Variants in EPPK1 observed in about 807,000 individuals in gnomAD.
EPPK1 encodes the protein epiplakin 1.
For synonymous variants in EPPK1, 1,862 were observed against 1,721.2 expected (o/e 1.08, Z -2.03); for missense variants, 3,823 against 3,673.3 (o/e 1.04, Z -1.05).
At chr8:143,877,359 G>A (rs1819501962) in intron 1 of EPPK1, among the ~76,000 whole-genome samples, 1 of 152,188 alleles carries the variant, frequency 6.6e-6, no homozygotes, top group Admixed American at 6.5e-5. Flanking sequence ...TTCGAGTGTG[G>A]GGGCATCTGG....
rs782131430 is a variant in EPPK1, at chr8:143,869,264, G to C, written c.3990C>G (p.Pro1330=). ...ACAGAGAGAGGGAGGCCCTAGAGTA[G>C]GGATCTGGGTACCCGGCCGCCGCCC... The part of the protein sequence containing the change: ...AERAAAGYPD[P]YSRASLSLWQ... Residue 1330 remains proline (P), a synonymous_variant, in exon 2 of 2, where the codon CCC becomes CCG. Coordinates refer to ENST00000615648, the MANE Select transcript of EPPK1 (RefSeq NM_031308.4). 1.2e-6 allele frequency: 2 copies of C among 1,608,800 alleles called. No individual in the cohort carries two copies. Among genetic ancestry groups the C allele is most frequent in the African/African-American group, 2.7e-5 (2 of 74,888 alleles).
chr8:143,877,744 CACCTGCA>C (rs1375086491), intron 1 of EPPK1, among the ~76,000 whole-genome samples: 6 of 152,110 alleles, frequency 3.9e-5, no homozygotes, highest in African/African-American at 1.4e-4. Flanking sequence ...AGACCCCACC[CACCTGCA>C]ACCTGCACCA....
At position 143,867,808 on chromosome 8, in the gene EPPK1, C is replaced by T; in HGVS notation, c.5446G>A (p.Glu1816Lys). 6.2e-7 allele frequency: 1 copy of T among 1,613,656 alleles called. No individual in the cohort carries two copies. The highest frequency in any genetic ancestry group is 1.1e-5 in the South Asian group (1 of 91,090). The change falls in exon 2 of 2, where the codon GAG (glutamate) becomes AAG (lysine). Residue 1816 changes from glutamate (E) to lysine (K), a missense_variant. Glu to Lys is a moderately conservative substitution (Grantham distance 56, BLOSUM62 1). Coordinates refer to ENST00000615648, the MANE Select transcript of EPPK1 (RefSeq NM_031308.4). The stretch of plus-strand genomic sequence containing the variant: ...AGGCCCCCACTCTGGGCTCCATACT[C>T]CTGGATGAGCTCCCGCTTCCTGTCC... Reference protein sequence around the residue: ...TEDRKRELIQEYGAQSGGLEK... With the variant: ...TEDRKRELIQKYGAQSGGLEK...
In EPPK1 at chr8:143,868,631, CCTG is replaced by C. The variant is rs1180786062; in HGVS notation, c.4620_4622del (p.Ser1540del). 4 of 1,595,784 alleles carry C rather than the reference CCTG, an allele frequency of 2.5e-6. No homozygotes were observed. In the African/African-American group the frequency reaches 5.4e-5, roughly 21 times the overall value. On this transcript the variant is annotated inframe_deletion, in exon 2 of 2. Transcript: ENST00000615648. ...CCTGGCTCAGCTCGTCCAGCGTCTT[CCTG>C]CTGATCAGCTGCGCCCTGAACAGGT...
exon 1 of EPPK1, chr8:143,878,457 TCCGCAGTGTCTCCGCGCGCCCGCTCCGC>T (rs1563892122): frequency 9.4e-6 from 1 of 105,932 alleles, no homozygotes; most frequent in Non-Finnish European, 1.9e-5. Flanking sequence ...CGCCGCTCGG[TCCGCAGTGTCTCCGCGCGCCCGCTCCGC>T]CCGCATTTCA....
Position 143,870,142 on chromosome 8 carries a change from G to C in EPPK1, c.3112C>G (p.Arg1038Gly). ...GTGGCCACTTGAGCCTCCAGGAGGC[G>C]GGCAGCTTGCTCCCAAGGGATGAGA... Reference protein sequence around the residue: ...KGLIPWEQAARLLEAQVATGG... With the variant: ...KGLIPWEQAAGLLEAQVATGG... Residue 1038 changes from arginine to glycine, a missense_variant, in exon 2 of 2, where the codon CGC (arginine) becomes GGC (glycine). Physicochemically the swap from Arg to Gly is moderately radical, Grantham distance 125. Transcript: ENST00000615648. This position sits in a 1 kb window ranked among gnomAD's most constrained non-coding sequence, Gnocchi z 5.2. The C allele has an allele frequency of 6.2e-7, 1 of 1,611,628 alleles. No homozygotes were observed. Among genetic ancestry groups the C allele is most frequent in the Non-Finnish European group, 8.5e-7 (1 of 1,179,300 alleles).
chr8:143,867,598 G>C lies in EPPK1; in HGVS notation c.5656C>G (p.Leu1886Val). 6.2e-7 allele frequency: 1 copy of C among 1,613,156 alleles called. No individual in the cohort carries two copies. The highest frequency in any genetic ancestry group is 8.5e-7 in the Non-Finnish European group (1 of 1,179,868). Residue 1886 changes from leucine to valine, a missense_variant, in exon 2 of 2, where the codon CTG becomes GTG. Coordinates refer to ENST00000615648, the MANE Select transcript of EPPK1 (RefSeq NM_031308.4). Reference sequence around the variant, plus strand: ...TCCAGATAGGGCTTCACACACTCCAGCGTGCTGAGTGCCTGTCCCCCAGTC... The same window carrying C: ...TCCAGATAGGGCTTCACACACTCCACCGTGCTGAGTGCCTGTCCCCCAGTC... ...GRTGGQALST[L>V]ECVKPYLEGS... is the part of the protein sequence containing the mutation.
chr8:143,875,055 AC>A (rs1437595867), intron 1 of EPPK1, among the ~76,000 whole-genome samples: 1 of 151,544 alleles, frequency 6.6e-6, no homozygotes, highest in African/African-American at 2.4e-5. Flanking sequence ...CCTCCCACCT[AC>A]CCTCAGCTCC....
At position 143,870,245 on chromosome 8, in the gene EPPK1, C is replaced by T; in HGVS notation, c.3009G>A (p.Arg1003=). The change falls in exon 2 of 2, where the codon CGG becomes CGA. Residue 1003 remains arginine, a synonymous_variant. Coordinates refer to ENST00000615648, the MANE Select transcript of EPPK1 (RefSeq NM_031308.4). The surrounding 1 kb of genome is among the most constrained non-coding windows in gnomAD (Gnocchi z 5.2). The part of the protein sequence containing the change: ...VGPELYGRLK[R]AEGAIAGFRD... Reference sequence around the variant, plus strand: ...TGAAGCCAGCAATGGCACCCTCAGCCCGCTTCAGCCTGCCATACAGCTCCG... The same window carrying T: ...TGAAGCCAGCAATGGCACCCTCAGCTCGCTTCAGCCTGCCATACAGCTCCG... 1.2e-6 allele frequency: 2 copies of T among 1,602,626 alleles called. No homozygotes were observed. Among genetic ancestry groups the T allele is most frequent in the Non-Finnish European group, 1.7e-6 (2 of 1,176,088 alleles).
In EPPK1 at chr8:143,866,608, C is replaced by G. The variant is rs1307338641; in HGVS notation, c.6646G>C (p.Val2216Leu). The G allele has an allele frequency of 1.7e-5, 27 of 1,612,690 alleles. No individual in the cohort carries two copies. The South Asian group carries it at 2.3e-4, about 14-fold the overall frequency. Residue 2216 changes from valine to leucine, a missense_variant, in exon 2 of 2, where the codon GTC becomes CTC. Coordinates refer to ENST00000615648, the MANE Select transcript of EPPK1 (RefSeq NM_031308.4). ...TTQELMEDDR[V>L]KRYLEGTSCI... ...CTGGTGCCCTCCAGGTAGCGCTTGA[C>G]GCGGTCGTCCTCCATGAGCTCTTGC... is the stretch of plus-strand genomic sequence containing the variant.
chr8:143,871,700 G>A lies in EPPK1; in HGVS notation c.1554C>T (p.Ala518=). Residue 518 remains alanine, a synonymous_variant, in exon 2 of 2, where the codon GCC becomes GCT. Transcript: ENST00000615648. ...GCATCGCCCTCTGCTCTGAGGAGATGGCCTCAGAGAAGAGCAGCTCCCAGA... is the reference window on the plus strand; with the variant it reads ...GCATCGCCCTCTGCTCTGAGGAGATAGCCTCAGAGAAGAGCAGCTCCCAGA... ...VSLWELLFSE[A]ISSEQRAMLA... is the part of the protein sequence containing the mutation. The A allele has an allele frequency of 6.2e-7, 1 of 1,607,082 alleles. No homozygotes were observed. The highest frequency in any genetic ancestry group is 1.1e-5 in the South Asian group (1 of 90,500).
Position 143,868,411 on chromosome 8 carries a change from T to A in EPPK1, c.4843A>T (p.Ile1615Phe), listed in dbSNP as rs782562143. 6.2e-7 allele frequency: 1 copy of A among 1,612,572 alleles called. No individual in the cohort carries two copies. Among genetic ancestry groups the A allele is most frequent in the Non-Finnish European group, 8.5e-7 (1 of 1,179,798 alleles). The change falls in exon 2 of 2, where the codon ATC (isoleucine) becomes TTC (phenylalanine). Residue 1615 changes from isoleucine to phenylalanine, a missense_variant. Physicochemically the swap from Ile to Phe is conservative, Grantham distance 21. Transcript: ENST00000615648. Reference protein sequence around the residue: ...LEAQAATGFIIDPVENRKLTV... With the variant: ...LEAQAATGFIFDPVENRKLTV... ...AGCTTCCGGTTCTCCACGGGGTCGA[T>A]GATGAAGCCGGTAGCTGCCTGTGCC...
chr8:143,872,330 G>T lies in EPPK1; in HGVS notation c.924C>A (p.His308Gln), dbSNP rs782587904. 1 of 1,604,514 alleles carries T rather than the reference G, an allele frequency of 6.2e-7. No homozygotes were observed. Among genetic ancestry groups the T allele is most frequent in the Admixed American group, 1.7e-5 (1 of 59,642 alleles). ...KKSFFQAATEHLLPMGTALPL... is the reference protein window; with the variant it reads ...KKSFFQAATEQLLPMGTALPL... ...GCAGCGCGGTGCCCATTGGGAGCAG[G>T]TGCTCGGTGGCAGCCTGGAAAAAGC... The change falls in exon 2 of 2, where the codon CAC (histidine) becomes CAA (glutamine). Residue 308 changes from histidine (H) to glutamine (Q), a missense_variant. Transcript: ENST00000615648.
intron 1 of EPPK1, among the ~76,000 whole-genome samples, chr8:143,874,327 G>A (rs138361273): frequency 1.3e-5 from 2 of 152,352 alleles, no homozygotes; most frequent in East Asian, 3.9e-4. Context: ...GTATGTCTAA[G>A]TCCTAATCTA....
In EPPK1 at chr8:143,871,524, A is replaced by C. The variant is rs1554661202; in HGVS notation, c.1730T>G (p.Ile577Ser). The change falls in exon 2 of 2, where the codon ATC (isoleucine) becomes AGC (serine). Residue 577 changes from isoleucine to serine, a missense_variant. Coordinates refer to ENST00000615648, the MANE Select transcript of EPPK1 (RefSeq NM_031308.4). ...CCGCTCGTACAGGTCCTGGTCGATG[A>C]TCTCGGCTTTCAGCAGCTCTCCTGG... ...VTPGELLKAEIIDQDLYERLE... is the reference protein window; with the variant it reads ...VTPGELLKAESIDQDLYERLE... The C allele has an allele frequency of 2.5e-6, 4 of 1,610,002 alleles. No individual in the cohort carries two copies. The highest frequency in any genetic ancestry group is 2.5e-6 in the Non-Finnish European group (3 of 1,178,930).
Position 143,872,793 on chromosome 8 carries a change from T to C in EPPK1, c.461A>G (p.Gln154Arg). The change falls in exon 2 of 2, where the codon CAA (glutamine) becomes CGA (arginine). Residue 154 changes from glutamine to arginine, a missense_variant. Physicochemically the swap from Gln to Arg is conservative, Grantham distance 43. Transcript: ENST00000615648. ...GTCCACCAGGCCCCCAGTGGCCAGTTGGACCTCCAGCCAGCTCTGCCCCAG... is the reference window on the plus strand; with the variant it reads ...GTCCACCAGGCCCCCAGTGGCCAGTCGGACCTCCAGCCAGCTCTGCCCCAG... ...RALGQSWLEV[Q>R]LATGGLVDPA... 6.3e-7 allele frequency: 1 copy of C among 1,576,246 alleles called. No individual in the cohort carries two copies. Among genetic ancestry groups the C allele is most frequent in the Non-Finnish European group, 8.6e-7 (1 of 1,157,732 alleles).
In EPPK1 at chr8:143,874,907, A is replaced by G. The variant is rs922744737; in HGVS notation, c.-45-1609T>C. Among the ~76,000 whole-genome samples the G allele has an allele frequency of 1.1e-4, 17 of 151,788 alleles. No homozygotes were observed. The East Asian group carries it at 3.3e-3, about 29-fold the overall frequency. On this transcript the variant is annotated intron_variant, in intron 1 of 1. Coordinates refer to ENST00000615648, the MANE Select transcript of EPPK1 (RefSeq NM_031308.4). ...CCACTCCACCGCTCTTGAGGCAGCC[A>G]CCACCCCCGGCTGCCAAACTCGACA...
At position 143,871,477 on chromosome 8, in the gene EPPK1, C is replaced by T; in HGVS notation, c.1777G>A (p.Ala593Thr). 1 of 1,608,920 alleles carries T rather than the reference C, an allele frequency of 6.2e-7. No homozygotes were observed. Among genetic ancestry groups the T allele is most frequent in the Non-Finnish European group, 8.5e-7 (1 of 1,178,670 alleles). Residue 593 changes from alanine to threonine, a missense_variant, in exon 2 of 2, where the codon GCC (alanine) becomes ACC (threonine). Transcript: ENST00000615648. ...GAGGCCAGGCTGCCCACATCCTTGG[C>T]TGTGGCCTGTCCATGCTCCAGCCGC... ...YERLEHGQAT[A>T]KDVGSLASVQ...
At chr8:143,873,725 C>A (rs534442874) in intron 1 of EPPK1, among the ~76,000 whole-genome samples, 1 of 152,310 alleles carries the variant, frequency 6.6e-6, no homozygotes, top group Admixed American at 6.5e-5. Context: ...GGGCCCGCCC[C>A]TCAGCCTGGG....
Sources: gnomAD v4.1 joint callset for allele counts (sites outside exome capture counted in the v4.1 genomes callset) on GRCh38, gnomAD v4.1.1 for gene constraint, Gnocchi (gnomAD v3.1) non-coding constraint, MANE v1.5 for transcripts, NCBI Gene and HGNC (gene_info 2026-07-23, HGNC 2026-07-21) for gene names.